UBAC1: variants seen among roughly 807,000 people sequenced by gnomAD.
The protein encoded by UBAC1 is ubiquitin-associated domain-containing protein 1.
Under a neutral mutation model 45.9 loss-of-function variants are expected in UBAC1, and 27 were observed. That is an observed-to-expected ratio of 0.59 (90% CI 0.43 to 0.81). The LOEUF is 0.81. Ranked by LOEUF, UBAC1 falls within the 30% of genes least tolerant of loss-of-function variation. The pLI, the probability that UBAC1 is intolerant of heterozygous loss-of-function variation, is 0.00. For synonymous variants in UBAC1, 227 were observed against 215.5 expected, an observed-to-expected ratio of 1.05 and a Z score of -0.47; for missense variants, 529 against 539.2, an observed-to-expected ratio of 0.98 and a Z score of 0.19.
intron 1 of UBAC1, among the ~76,000 whole-genome samples, chr9:135,955,662 C>A (rs189872602): frequency 1.2e-4 from 19 of 152,354 alleles, no homozygotes; most frequent in Admixed American, 1.2e-3. Flanking sequence ...ATATACCACA[C>A]CCTACTGACA....
At chr9:135,944,581 G>T (rs71508828) in intron 7 of UBAC1, among the ~76,000 whole-genome samples, 1 of 152,206 alleles carries the variant, frequency 6.6e-6, no homozygotes, top group South Asian at 2.1e-4. Flanking sequence ...CTGTGCCATG[G>T]AGGCGGCTGG....
At chr9:135,950,871 C>A (rs898740666) in intron 3 of UBAC1, among the ~76,000 whole-genome samples, 1 of 152,156 alleles carries the variant, frequency 6.6e-6, no homozygotes, top group Non-Finnish European at 1.5e-5. Context: ...GGTGAACAGA[C>A]CACCTGAGCC....
intron 3 of UBAC1, among the ~76,000 whole-genome samples, chr9:135,951,561 C>T (rs1440621971): frequency 6.6e-6 from 1 of 152,124 alleles, no homozygotes; most frequent in Non-Finnish European, 1.5e-5. Flanking sequence ...GTAATCCTAG[C>T]ACTTTGGGAG....
At chr9:135,959,152 T>TA (rs1839502502) in intron 1 of UBAC1, among the ~76,000 whole-genome samples, 1 of 152,188 alleles carries the variant, frequency 6.6e-6, no homozygotes. Context: ...CCGAGTGAGT[T>TA]AAAGTAAATG....
chr9:135,954,374 G>C (rs1839442187), intron 2 of UBAC1, among the ~76,000 whole-genome samples: 2 of 152,168 alleles, frequency 1.3e-5, no homozygotes, highest in Non-Finnish European at 2.9e-5. Context: ...GAGCCCAGGA[G>C]GTCAAGGCAA....
intron 9 of UBAC1, among the ~76,000 whole-genome samples, chr9:135,934,109 G>A (rs1839178442): frequency 6.6e-6 from 1 of 152,194 alleles, no homozygotes; most frequent in African/African-American, 2.4e-5. Context: ...CACGCGTTCT[G>A]CCAGCCCCTC....
In UBAC1 at chr9:135,933,360, G is replaced by A. The variant is rs750190641; in HGVS notation, c.*40C>T. On this transcript the variant is annotated 3_prime_UTR_variant, in exon 10 of 10. Transcript: ENST00000371756. ...TCTGCCCGGTCTCGGGCCGCACCAG[G>A]GGGCTGCTGTGGCCTGATAGCCGAG... 6.4e-7 allele frequency: 1 copy of A among 1,564,118 alleles called. No homozygotes were observed. Among genetic ancestry groups the A allele is most frequent in the Non-Finnish European group, 8.8e-7 (1 of 1,134,550 alleles).
At chr9:135,951,293 A>T (rs975519009) in intron 3 of UBAC1, among the ~76,000 whole-genome samples, 1 of 152,012 alleles carries the variant, frequency 6.6e-6, no homozygotes. Context: ...TCGACCTTTT[A>T]AAAACATACG....
In UBAC1 at chr9:135,945,964, T is replaced by A. The variant is rs1401171069; in HGVS notation, c.578A>T (p.Asp193Val). The change falls in exon 6 of 10, where the codon GAC (aspartate) becomes GTC (valine). Residue 193 changes from aspartate (D) to valine (V), a missense_variant. Coordinates refer to ENST00000371756, the MANE Select transcript of UBAC1 (RefSeq NM_016172.3). ...CGTGAGCTGCCGCAGGGCAGCCTCG[T>A]CCACACGCTCATCCTCGTCCTCGTC... ...MLDEDEDERVDEAALRQLTEM... is the reference protein window; with the variant it reads ...MLDEDEDERVVEAALRQLTEM... 1 of 1,614,014 alleles carries A rather than the reference T, an allele frequency of 6.2e-7. No individual in the cohort carries two copies. The highest frequency in any genetic ancestry group is 8.5e-7 in the Non-Finnish European group (1 of 1,180,032).
rs762006426 is a variant in UBAC1 at position 135,945,006 on chromosome 9, C to T, written c.876+22G>A. The T allele has an allele frequency of 6.3e-6, 10 of 1,596,684 alleles. No individual in the cohort carries two copies. In the South Asian group the frequency reaches 7.8e-5, roughly 13 times the overall value. ...GGGAAGACACAGCGACTCTGCCTGG[C>T]GACAGGTCTAGTAACACATACCCGA... On this transcript the variant is annotated intron_variant, in intron 7 of 9. Coordinates refer to ENST00000371756, the MANE Select transcript of UBAC1 (RefSeq NM_016172.3).
In UBAC1 at chr9:135,945,168, G is replaced by A. The variant is rs548279809; in HGVS notation, c.736C>T (p.Pro246Ser). Residue 246 changes from proline (P) to serine (S), a missense_variant, in exon 7 of 10, where the codon CCC becomes TCC. Transcript: ENST00000371756. The stretch of plus-strand genomic sequence containing the variant: ...GCTGTGGCCCCCTCGGCCTCTGGGG[G>A]AGCTTGGCCAGGAAGAGGCGTGTCT... ...TIDTPLPGQA[P>S]PEAEGATAAA... 5 of 1,613,432 alleles carry A rather than the reference G, an allele frequency of 3.1e-6. No homozygotes were observed. In the Middle Eastern group the frequency reaches 8.3e-4, roughly 267 times the overall value.
chr9:135,948,059 G>A, intron 3 of UBAC1, 154 bp from the exon 4 acceptor site: 1 of 659,372 alleles, frequency 1.5e-6, no homozygotes, highest in Admixed American at 2.9e-5. Context: ...AGCCTGGAGA[G>A]TTCTGTGCAA....
chr9:135,953,558 T>C, intron 3 of UBAC1, 122 bp downstream of exon 3: 2 of 684,784 alleles, frequency 2.9e-6, no homozygotes, highest in Non-Finnish European at 4.9e-6. Flanking sequence ...GACCTCGTGA[T>C]CCACCCGCCT....
In UBAC1 at chr9:135,945,342, T is replaced by C. The variant is rs1839317219; in HGVS notation, c.654-92A>G. The C allele has an allele frequency of 1.1e-5, 12 of 1,125,282 alleles. No homozygotes were observed. In the South Asian group the frequency reaches 2.0e-4, roughly 19 times the overall value. 69.7% of individuals were successfully genotyped at this position (1,125,282 alleles called of 1,614,324 possible). ...TTCCCAAGAAGAGCCTCTGCTATGG[T>C]AGTGACTTCTCCAGCATCAGCTGGT... On this transcript the variant is annotated intron_variant, in intron 6 of 9. Coordinates refer to ENST00000371756, the MANE Select transcript of UBAC1 (RefSeq NM_016172.3).
intron 2 of UBAC1, 27 bp from the exon 3 acceptor site, chr9:135,953,780 C>A (rs778175496): frequency 6.3e-7 from 1 of 1,599,558 alleles, no homozygotes; most frequent in Admixed American, 1.7e-5. Context: ...GTATATCCAA[C>A]ACACTGGTTA....
At chr9:135,956,232 TG>T (rs1839464251) in intron 1 of UBAC1, among the ~76,000 whole-genome samples, 1 of 152,156 alleles carries the variant, frequency 6.6e-6, no homozygotes, top group African/African-American at 2.4e-5. Flanking sequence ...AGGAGGAAGT[TG>T]GAGCAGACGG....
At chr9:135,934,130 G>A (rs984351790) in intron 9 of UBAC1, among the ~76,000 whole-genome samples, 4 of 152,154 alleles carry the variant, frequency 2.6e-5, no homozygotes, top group African/African-American at 7.2e-5. Context: ...TGCCAGGATC[G>A]ATGGCTCCAT....
At chr9:135,946,632 C>A (rs1192589825) in intron 4 of UBAC1, among the ~76,000 whole-genome samples, 3 of 152,228 alleles carry the variant, frequency 2.0e-5, no homozygotes, top group African/African-American at 7.2e-5. Context: ...TCAGCCTGTG[C>A]CCTGTGAGGA....
chr9:135,937,393 A>G (rs967964491), intron 9 of UBAC1, among the ~76,000 whole-genome samples: 9 of 147,774 alleles, frequency 6.1e-5, no homozygotes, highest in African/African-American at 2.3e-4. Flanking sequence ...GTGGGCCGAG[A>G]TCATGCCATT....
Sources: allele counts gnomAD v4.1 joint callset (sites outside exome capture counted in the v4.1 genomes callset), GRCh38; gene constraint gnomAD v4.1.1; transcripts MANE v1.5; gene names NCBI Gene and HGNC (gene_info 2026-07-23, HGNC 2026-07-21).